Variants in LRMDA observed in about 807,000 individuals in gnomAD.
The protein encoded by LRMDA is leucine-rich melanocyte differentiation-associated protein.
A neutral mutation model predicts 29.8 loss-of-function variants in LRMDA; 18 were observed. The observed-to-expected ratio is 0.60, with a 90% CI of 0.42 to 0.90. LRMDA has a LOEUF of 0.90. Among genes scored for constraint, LRMDA ranks in the 40% least tolerant of loss-of-function variants. The pLI is 0.00. For synonymous variants in LRMDA, 125 were observed against 109.4 expected, an observed-to-expected ratio of 1.14 and a Z score of -0.89; for missense variants, 273 against 273.9, an observed-to-expected ratio of 1.00 and a Z score of 0.02.
intron 6 of LRMDA, among the ~76,000 whole-genome samples, chr10:76,554,014 G>A (rs945750196): frequency 6.6e-6 from 1 of 152,106 alleles, no homozygotes; most frequent in Admixed American, 6.6e-5. Flanking sequence ...TATCAGTGGG[G>A]TCGGGCGTGC....
intron 2 of LRMDA, among the ~76,000 whole-genome samples, chr10:75,774,620 T>A (rs1004297231): frequency 2.0e-5 from 3 of 152,112 alleles, no homozygotes; most frequent in Admixed American, 1.3e-4. Flanking sequence ...CATATTACCA[T>A]AATGTAACCA....
chr10:76,517,032 A>G (rs180885313), intron 6 of LRMDA, among the ~76,000 whole-genome samples: 80 of 152,344 alleles, frequency 5.3e-4, no homozygotes, highest in African/African-American at 1.7e-3. Context: ...AAGTTGCTCT[A>G]AAGATATTAA....
At chr10:75,961,177 T>G (rs1236127116) in intron 2 of LRMDA, among the ~76,000 whole-genome samples, 1 of 152,228 alleles carries the variant, frequency 6.6e-6, no homozygotes, top group Non-Finnish European at 1.5e-5. Context: ...AAAATATTTC[T>G]AATACTCTTG....
intron 5 of LRMDA, among the ~76,000 whole-genome samples, chr10:76,192,070 G>A (rs2132222451): frequency 6.6e-6 from 1 of 152,240 alleles, no homozygotes; most frequent in South Asian, 2.1e-4. Flanking sequence ...GTGTAAGTGT[G>A]AAAAACTTGT....
chr10:75,675,217 A>G (rs977618846), intron 2 of LRMDA, among the ~76,000 whole-genome samples: 4 of 152,240 alleles, frequency 2.6e-5, no homozygotes, highest in East Asian at 3.8e-4. Context: ...CAGCAAATAC[A>G]TACTCAACAC....
At chr10:75,458,367 A>T (rs1361989581) in intron 2 of LRMDA, among the ~76,000 whole-genome samples, 1 of 152,088 alleles carries the variant, frequency 6.6e-6, no homozygotes, top group Admixed American at 6.5e-5. Flanking sequence ...CAGACTGTAG[A>T]TTGCAAAGTT....
chr10:75,725,639 T>C (rs1842622737), intron 2 of LRMDA, among the ~76,000 whole-genome samples: 1 of 152,134 alleles, frequency 6.6e-6, no homozygotes, highest in South Asian at 2.1e-4. Context: ...TCAGGGGAGG[T>C]AATGGCTTTT....
At chr10:76,496,820 T>G in intron 6 of LRMDA, among the ~76,000 whole-genome samples, 1 of 75,000 alleles carries the variant, frequency 1.3e-5, no homozygotes, top group African/African-American at 3.3e-5. Flanking sequence ...CATGTGTGAC[T>G]AATAAGTCAG....
At chr10:76,131,220 C>G (rs961526818) in intron 5 of LRMDA, among the ~76,000 whole-genome samples, 1 of 152,166 alleles carries the variant, frequency 6.6e-6, no homozygotes, top group African/African-American at 2.4e-5. Flanking sequence ...TCTTCTGTCT[C>G]TGCCTTTTTA....
At chr10:75,978,451 A>C (rs917529748) in intron 2 of LRMDA, among the ~76,000 whole-genome samples, 1 of 152,328 alleles carries the variant, frequency 6.6e-6, no homozygotes, top group Non-Finnish European at 1.5e-5. Context: ...ACTTCCAGCA[A>C]GTCCCACGTA....
intron 5 of LRMDA, among the ~76,000 whole-genome samples, chr10:76,262,387 T>A (rs571718420): frequency 3.9e-5 from 6 of 152,298 alleles, no homozygotes; most frequent in Non-Finnish European, 7.3e-5. Flanking sequence ...ATGCTTTATT[T>A]TCTGAATGAT....
At chr10:76,171,077 A>C (rs1850826929) in intron 5 of LRMDA, among the ~76,000 whole-genome samples, 1 of 152,194 alleles carries the variant, frequency 6.6e-6, no homozygotes, top group Non-Finnish European at 1.5e-5. Flanking sequence ...AAAAGTTTGT[A>C]CTGATCTGAG....
At chr10:75,894,513 T>TA (rs1845550709) in intron 2 of LRMDA, among the ~76,000 whole-genome samples, 1 of 152,220 alleles carries the variant, frequency 6.6e-6, no homozygotes, top group South Asian at 2.1e-4. Flanking sequence ...CATTTTCATA[T>TA]AATGACTTCT....
At chr10:76,143,186 T>G (rs567381468) in intron 5 of LRMDA, among the ~76,000 whole-genome samples, 3 of 152,220 alleles carry the variant, frequency 2.0e-5, no homozygotes, top group Non-Finnish European at 4.4e-5. Context: ...GCATGATTTA[T>G]TATCCTTTGG....
At chr10:76,240,281 G>A (rs140548505) in intron 5 of LRMDA, among the ~76,000 whole-genome samples, 1 of 151,376 alleles carries the variant, frequency 6.6e-6, no homozygotes, top group Non-Finnish European at 1.5e-5. Flanking sequence ...GGCATTTGCA[G>A]CAACCTGGAT....
chr10:75,685,351 A>G (rs997098799), intron 2 of LRMDA, among the ~76,000 whole-genome samples: 8 of 152,184 alleles, frequency 5.3e-5, no homozygotes, highest in Non-Finnish European at 1.2e-4. Context: ...GCAGATTTAC[A>G]TCACAAGGTA....
At chr10:75,765,929 G>C (rs190397120) in intron 2 of LRMDA, among the ~76,000 whole-genome samples, 7 of 152,246 alleles carry the variant, frequency 4.6e-5, no homozygotes, top group African/African-American at 1.4e-4. Flanking sequence ...TGGGAAGCAT[G>C]GAGTATGCAA....
chr10:76,253,559 C>T (rs1042645161), intron 5 of LRMDA, among the ~76,000 whole-genome samples: 3 of 151,682 alleles, frequency 2.0e-5, no homozygotes, highest in African/African-American at 4.8e-5. Flanking sequence ...TGGCCTAGCT[C>T]ATTCTAGGTA....
intron 6 of LRMDA, among the ~76,000 whole-genome samples, chr10:76,351,424 G>T (rs1204526688): frequency 6.6e-6 from 1 of 152,096 alleles, no homozygotes; most frequent in African/African-American, 2.4e-5. Context: ...GACCAGGAGG[G>T]TAAGTAAAAC....
Sources: allele counts gnomAD v4.1 joint callset (sites outside exome capture counted in the v4.1 genomes callset), GRCh38; gene constraint gnomAD v4.1.1; transcripts MANE v1.5; gene names NCBI Gene and HGNC (gene_info 2026-07-23, HGNC 2026-07-21).